NPY2R: variants seen among roughly 807,000 people sequenced by gnomAD.
NPY2R encodes the protein neuropeptide Y receptor type 2.
In NPY2R, 17 loss-of-function variants were observed where a neutral mutation model predicts 22.3. That is an observed-to-expected ratio of 0.76 (90% CI 0.52 to 1.14). NPY2R has a LOEUF of 1.14. NPY2R is among the 50% of genes most tolerant of loss of function. The probability of loss-of-function intolerance (pLI) is 0.00; values close to 1 mark genes in which losing one functional copy is unlikely to be tolerated. For missense variants in NPY2R, 424 were observed against 467.9 expected (o/e 0.91, Z 0.87); for synonymous variants, 209 against 183.4 (o/e 1.14, Z -1.13).
Position 155,214,385 on chromosome 4 carries a change from A to G in NPY2R, c.446A>G (p.His149Arg), listed in dbSNP as rs1391274210. The G allele has an allele frequency of 2.5e-6, 4 of 1,613,968 alleles. No individual in the cohort carries two copies. The highest frequency in any genetic ancestry group is 2.5e-6 in the Non-Finnish European group (3 of 1,180,022). Residue 149 changes from histidine (H) to arginine (R), a missense_variant, in exon 2 of 2, where the codon CAC (histidine) becomes CGC (arginine). Transcript: ENST00000329476. ...ITLTVIALDR[H>R]RCIVYHLESK... ...TTGACAGTAATTGCCCTGGACCGGCACAGGTGCATCGTCTACCACCTAGAG... is the reference window on the plus strand; with the variant it reads ...TTGACAGTAATTGCCCTGGACCGGCGCAGGTGCATCGTCTACCACCTAGAG...
At chr4:155,188,982 G>T in the NPY2R span, among the ~76,000 whole-genome samples, 4 of 152,054 alleles carry the variant, frequency 2.6e-5, no homozygotes, top group South Asian at 8.3e-4. Flanking sequence ...AAAAAATACA[G>T]GTTCTCAGAC....
chr4:155,175,178 G>A, the NPY2R span, among the ~76,000 whole-genome samples: 4 of 152,146 alleles, frequency 2.6e-5, no homozygotes, highest in African/African-American at 4.8e-5. Context: ...TTCGCCAACC[G>A]AGTACCATTT....
chr4:155,193,530 A>C, the NPY2R span, among the ~76,000 whole-genome samples: 2 of 152,038 alleles, frequency 1.3e-5, no homozygotes, highest in South Asian at 4.1e-4. Context: ...AGGGAAATCT[A>C]CTTTCCTTAG....
At chr4:155,191,301 C>T in the NPY2R span, among the ~76,000 whole-genome samples, 5 of 151,816 alleles carry the variant, frequency 3.3e-5, no homozygotes, top group South Asian at 6.2e-4. Flanking sequence ...AAGTGAGGAC[C>T]ATAAAATCTC....
intron 1 of NPY2R, among the ~76,000 whole-genome samples, chr4:155,212,582 C>G (rs769637140): frequency 1.1e-4 from 16 of 152,158 alleles, no homozygotes; most frequent in Admixed American, 2.6e-4. Flanking sequence ...AAAGCCACCC[C>G]TGGCATTGAG....
chr4:155,186,583 T>A, the NPY2R span, among the ~76,000 whole-genome samples: 1 of 152,184 alleles, frequency 6.6e-6, no homozygotes, highest in African/African-American at 2.4e-5. Context: ...GCTTGCTAAT[T>A]TTTTGTGTGT....
rs1729502162 is a variant in NPY2R at position 155,215,708 on chromosome 4, C to T, written c.*623C>T. 1 of 168,158 alleles carries T rather than the reference C, an allele frequency of 5.9e-6. No individual in the cohort carries two copies. 10.4% of individuals were successfully genotyped at this position (168,158 alleles called of 1,614,324 possible). On this transcript the variant is annotated 3_prime_UTR_variant, in exon 2 of 2. Coordinates refer to ENST00000329476, the MANE Select transcript of NPY2R (RefSeq NM_000910.4). Reference sequence around the variant, plus strand: ...GATGATAGGGGAACTCCTCAACACTCAGTGGGCCAATTGTTCTTAAAACCA... The same window carrying T: ...GATGATAGGGGAACTCCTCAACACTTAGTGGGCCAATTGTTCTTAAAACCA...
At chr4:155,191,312 A>G in the NPY2R span, among the ~76,000 whole-genome samples, 1 of 151,868 alleles carries the variant, frequency 6.6e-6, no homozygotes, top group Non-Finnish European at 1.5e-5. Context: ...ATAAAATCTC[A>G]CATTCTTTGT....
chr4:155,178,365 CAAGAT>C, the NPY2R span, among the ~76,000 whole-genome samples: 15,592 of 152,158 alleles, frequency 0.1, 863 homozygotes, highest in East Asian at 0.16. Context: ...CATCTTTGCT[CAAGAT>C]AATTTTAATT....
upstream of NPY2R, chr4:155,207,082 GA>G (rs1208692219): frequency 1.3e-5 from 2 of 152,146 alleles, no homozygotes. Flanking sequence ...CTAGGTATTT[GA>G]AAAGCCCAGG....
the NPY2R span, among the ~76,000 whole-genome samples, chr4:155,174,482 A>ATG: frequency 9.6e-6 from 1 of 104,462 alleles, no homozygotes; most frequent in African/African-American, 5.7e-5. Flanking sequence ...ATATATATAT[A>ATG]TATTTTTTTT....
the NPY2R span, among the ~76,000 whole-genome samples, chr4:155,177,783 A>C: frequency 7.0e-3 from 1,070 of 152,218 alleles, 10 homozygotes; most frequent in African/African-American, 0.022. Flanking sequence ...GTATGCCATC[A>C]AAGTTTACAG....
At chr4:155,195,867 A>T in the NPY2R span, among the ~76,000 whole-genome samples, 1 of 152,020 alleles carries the variant, frequency 6.6e-6, no homozygotes, top group Non-Finnish European at 1.5e-5. Flanking sequence ...GCCAGAGGAC[A>T]GAGCTGTTAG....
the NPY2R span, among the ~76,000 whole-genome samples, chr4:155,202,988 T>C: frequency 6.6e-6 from 1 of 152,150 alleles, no homozygotes; most frequent in Non-Finnish European, 1.5e-5. Context: ...TTGTTCTTAG[T>C]TAAAATTCAA....
At chr4:155,213,853 G>A (rs1729452668) in intron 1 of NPY2R, 39 bp from the exon 2 acceptor site, 1 of 1,094,808 alleles carries the variant, frequency 9.1e-7, no homozygotes, top group Non-Finnish European at 1.4e-6. Context: ...ATTGGTTTTT[G>A]TTGTTGTTGT....
At chr4:155,200,825 G>A in the NPY2R span, among the ~76,000 whole-genome samples, 62 of 152,168 alleles carry the variant, frequency 4.1e-4, 2 homozygotes, top group Admixed American at 3.8e-3. Flanking sequence ...GACACAGGGA[G>A]GGGAACAACA....
chr4:155,200,584 T>C, the NPY2R span, among the ~76,000 whole-genome samples: 7,035 of 152,044 alleles, frequency 0.046, 518 homozygotes, highest in African/African-American at 0.16. Flanking sequence ...TTTACAATAG[T>C]AAAGACATGG....
chr4:155,209,912 A>G (rs1482157603), intron 1 of NPY2R, among the ~76,000 whole-genome samples: 1 of 152,168 alleles, frequency 6.6e-6, no homozygotes, highest in African/African-American at 2.4e-5. Context: ...CTCTGACTCA[A>G]ATAACTTGAG....
the NPY2R span, among the ~76,000 whole-genome samples, chr4:155,200,970 C>T: frequency 2.6e-5 from 4 of 151,772 alleles, no homozygotes; most frequent in African/African-American, 7.3e-5. Context: ...AGTGTACCTA[C>T]GTAACAAACC....
Sources: allele counts gnomAD v4.1 joint callset (sites outside exome capture counted in the v4.1 genomes callset), GRCh38; gene constraint gnomAD v4.1.1; transcripts MANE v1.5; gene names NCBI Gene and HGNC (gene_info 2026-07-23, HGNC 2026-07-21).